ASIC2: variants seen among roughly 807,000 people sequenced by gnomAD.
The protein encoded by ASIC2 is acid sensing ion channel subunit 2, also known as acid-sensing ion channel 2.
Under a neutral mutation model 57.3 loss-of-function variants are expected in ASIC2, and 25 were observed. That is an observed-to-expected ratio of 0.44 (90% CI 0.32 to 0.61). The LOEUF (loss-of-function observed/expected upper bound fraction) is 0.61, where lower values mean the gene tolerates loss of function less well. Ranked by LOEUF, ASIC2 falls within the 20% of genes least tolerant of loss-of-function variation. The pLI, the probability that ASIC2 is intolerant of heterozygous loss-of-function variation, is 0.06. For missense variants in ASIC2, 641 were observed against 738.1 expected (o/e 0.87, Z 1.52); for synonymous variants, 319 against 307.5 (o/e 1.04, Z -0.39).
chr17:33,380,976 C>T (rs1909467801), intron 1 of ASIC2, among the ~76,000 whole-genome samples: 1 of 152,110 alleles, frequency 6.6e-6, no homozygotes, highest in South Asian at 2.1e-4. Flanking sequence ...AAAAGTGGGC[C>T]AAAGAGGCCC....
chr17:33,894,380 T>C (rs1165434777), intron 1 of ASIC2, among the ~76,000 whole-genome samples: 1 of 141,636 alleles, frequency 7.1e-6, no homozygotes, highest in African/African-American at 2.6e-5. Flanking sequence ...TGTGTGTGTG[T>C]GTGTTCATGT....
intron 1 of ASIC2, among the ~76,000 whole-genome samples, chr17:33,552,171 G>T (rs1391573578): frequency 6.6e-6 from 1 of 152,192 alleles, no homozygotes; most frequent in Non-Finnish European, 1.5e-5. Flanking sequence ...GAAAGGGAAA[G>T]GGCCTCTGTT....
chr17:33,171,394 C>G (rs1374826934), intron 1 of ASIC2, among the ~76,000 whole-genome samples: 1 of 152,162 alleles, frequency 6.6e-6, no homozygotes, highest in African/African-American at 2.4e-5. Context: ...TTCTGGGGAC[C>G]AATCCTACAG....
chr17:33,891,001 C>T (rs1242125863), intron 1 of ASIC2, among the ~76,000 whole-genome samples: 1 of 152,102 alleles, frequency 6.6e-6, no homozygotes, highest in Non-Finnish European at 1.5e-5. Context: ...CTCGGGTGGT[C>T]TGAGACAGGA....
intron 1 of ASIC2, among the ~76,000 whole-genome samples, chr17:33,638,943 A>C (rs1906462768): frequency 6.6e-6 from 1 of 151,904 alleles, no homozygotes; most frequent in African/African-American, 2.4e-5. Flanking sequence ...GCAGGACTGC[A>C]CCCCAGTTGT....
rs1228112426 is a variant in ASIC2 at position 33,293,232 on chromosome 17, C to T, written c.-1117G>A. Among the ~76,000 whole-genome samples the T allele has an allele frequency of 2.0e-5, 3 of 152,062 alleles. No individual in the cohort carries two copies. The highest frequency in any genetic ancestry group is 4.8e-5 in the African/African-American group (2 of 41,436). On this transcript the variant is annotated 5_prime_UTR_variant, in exon 1 of 10. Coordinates refer to ENST00000225823, the MANE Select transcript of ASIC2 (RefSeq NM_183377.2). ...GCCCCAGGCGAACTTGGGCAGCGGC[C>T]GCGCGACGCTGGCGCGGCTGGGCTC... is the stretch of plus-strand genomic sequence containing the variant.
chr17:33,487,124 G>A (rs546285776), intron 1 of ASIC2, among the ~76,000 whole-genome samples: 50 of 152,322 alleles, frequency 3.3e-4, no homozygotes, highest in African/African-American at 1.2e-3. Flanking sequence ...TTCCAGACAA[G>A]CATTCCAGGT....
In ASIC2 at chr17:33,528,102, C is replaced by G. The variant is rs943952573; in HGVS notation, c.556-416035G>C. Among the ~76,000 whole-genome samples, 5 of 150,424 alleles carry G rather than the reference C, an allele frequency of 3.3e-5. No individual in the cohort carries two copies. In the East Asian group the frequency reaches 9.9e-4, roughly 30 times the overall value. ...TGTCAGGGCCAGTAAGTGTCATTAC[C>G]ACGCCCTCGTAGGAGGTGGCAGGGA... is the stretch of plus-strand genomic sequence containing the variant. On this transcript the variant is annotated intron_variant, in intron 1 of 9. Transcript: ENST00000359872.
intron 1 of ASIC2, among the ~76,000 whole-genome samples, chr17:33,359,520 C>G (rs1908516946): frequency 6.6e-6 from 1 of 152,074 alleles, no homozygotes; most frequent in African/African-American, 2.4e-5. Flanking sequence ...ATAGCAGAAC[C>G]AGAGCAAAAA....
intron 1 of ASIC2, among the ~76,000 whole-genome samples, chr17:34,094,489 C>T (rs565404454): frequency 6.6e-6 from 1 of 152,180 alleles, no homozygotes; most frequent in East Asian, 1.9e-4. Context: ...GTGGTTCTTA[C>T]AACATCCATG....
intron 1 of ASIC2, among the ~76,000 whole-genome samples, chr17:33,786,691 C>T (rs904777881): frequency 3.3e-5 from 5 of 152,160 alleles, no homozygotes; most frequent in African/African-American, 1.2e-4. Context: ...TGGCCCCTGG[C>T]CACCCCATCA....
intron 1 of ASIC2, chr17:34,082,309 T>C (rs1301473202): frequency 6.6e-6 from 1 of 152,222 alleles, no homozygotes; most frequent in Admixed American, 6.5e-5. Flanking sequence ...CAGAATTTTT[T>C]ATTTTTTTGA....
intron 1 of ASIC2, among the ~76,000 whole-genome samples, chr17:33,327,708 A>G (rs1411269950): frequency 2.0e-5 from 3 of 152,222 alleles, no homozygotes; most frequent in Non-Finnish European, 4.4e-5. Flanking sequence ...GACTGAGGCA[A>G]AGCCAGGGGT....
chr17:33,229,567 T>C (rs2142106024), intron 1 of ASIC2, among the ~76,000 whole-genome samples: 1 of 152,160 alleles, frequency 6.6e-6, no homozygotes, highest in African/African-American at 2.4e-5. Flanking sequence ...TGTTTTTCCA[T>C]GCAAAAGGGA....
intron 1 of ASIC2, among the ~76,000 whole-genome samples, chr17:33,723,988 C>G (rs1228201795): frequency 6.6e-6 from 1 of 152,146 alleles, no homozygotes; most frequent in Non-Finnish European, 1.5e-5. Flanking sequence ...ACCCAAATTG[C>G]ATCTTGAATT....
rs2142122761 is a variant in ASIC2, at chr17:33,243,833, CCCTGATCATTTTTAAT to C, written c.708+47559_708+47574del. Among the ~76,000 whole-genome samples the C allele has an allele frequency of 2.0e-5, 3 of 152,260 alleles. No homozygotes were observed. The South Asian group carries it at 6.2e-4, about 32-fold the overall frequency. On this transcript the variant is annotated intron_variant, in intron 1 of 9. Coordinates refer to ENST00000225823, the MANE Select transcript of ASIC2 (RefSeq NM_183377.2). ...TTCCATATACCCATTTCCAGCTTTT[CCCTGATCATTTTTAAT>C]CCTCTGAAAGAAGGACAATCTAACC...
At chr17:34,021,888 A>T (rs529033868) in intron 1 of ASIC2, among the ~76,000 whole-genome samples, 1 of 128,904 alleles carries the variant, frequency 7.8e-6, no homozygotes, top group East Asian at 2.3e-4. Context: ...CCCGGGCTGG[A>T]GTGCAGTGGT....
chr17:33,632,381 A>G (rs986466373), intron 1 of ASIC2, among the ~76,000 whole-genome samples: 1 of 152,164 alleles, frequency 6.6e-6, no homozygotes, highest in African/African-American at 2.4e-5. Flanking sequence ...GTCACGGTTC[A>G]GATTAAACGT....
At chr17:33,908,516 C>T (rs1431093978) in intron 1 of ASIC2, among the ~76,000 whole-genome samples, 1 of 152,196 alleles carries the variant, frequency 6.6e-6, no homozygotes, top group South Asian at 2.1e-4. Context: ...GAAAGCATAA[C>T]TAACTCCATT....
Sources: allele counts gnomAD v4.1 joint callset (sites outside exome capture counted in the v4.1 genomes callset), GRCh38; gene constraint gnomAD v4.1.1; transcripts MANE v1.5; gene names NCBI Gene and HGNC (gene_info 2026-07-23, HGNC 2026-07-21).